TNS3: variants seen among roughly 807,000 people sequenced by gnomAD.
TNS3 encodes tensin 3, also known as tensin-3.
A neutral mutation model predicts 140.9 loss-of-function variants in TNS3; 45 were observed. That is an observed-to-expected ratio of 0.32 (90% CI 0.25 to 0.41). TNS3 has a LOEUF of 0.41. TNS3 is among the 10% of genes least tolerant of loss of function. The pLI is 1.00. For synonymous variants in TNS3, 815 were observed against 788.4 expected, an observed-to-expected ratio of 1.03 and a Z score of -0.56; for missense variants, 1,716 against 1,906.7, an observed-to-expected ratio of 0.90 and a Z score of 1.86.
intron 1 of TNS3, among the ~76,000 whole-genome samples, chr7:47,574,496 C>CA (rs371887200): frequency 5.0e-4 from 74 of 148,056 alleles, no homozygotes; most frequent in Middle Eastern, 3.5e-3. Context: ...TTGTGCTCAC[C>CA]AAAAAAAAAA....
At chr7:47,403,479 GA>G (rs1268797573) in intron 13 of TNS3, 3 of 152,234 alleles carry the variant, frequency 2.0e-5, no homozygotes, top group African/African-American at 7.2e-5. Flanking sequence ...ACTGCTGCCT[GA>G]AATCACGTGG....
chr7:47,537,438 C>A (rs1799642056), intron 1 of TNS3, among the ~76,000 whole-genome samples: 1 of 152,046 alleles, frequency 6.6e-6, no homozygotes. Context: ...CAGCTCCGAG[C>A]GAGCGCGGAG....
At chr7:47,347,221 G>T (rs1789395179) in intron 17 of TNS3, among the ~76,000 whole-genome samples, 1 of 152,132 alleles carries the variant, frequency 6.6e-6, no homozygotes, top group Non-Finnish European at 1.5e-5. Context: ...TTCACTGAAA[G>T]ATGGAGTTTG....
intron 1 of TNS3, among the ~76,000 whole-genome samples, chr7:47,546,300 C>T (rs1195359242): frequency 1.3e-5 from 2 of 152,222 alleles, no homozygotes; most frequent in Non-Finnish European, 2.9e-5. Context: ...GTGGCGTCCA[C>T]GTCCGGCACC....
intron 16 of TNS3, among the ~76,000 whole-genome samples, chr7:47,388,187 G>A (rs1792181764): frequency 6.6e-6 from 1 of 152,106 alleles, no homozygotes. Flanking sequence ...TGGCAGCAAG[G>A]GCCTTGTAAG....
intron 30 of TNS3, chr7:47,279,501 G>C (rs1008095990): frequency 2.0e-5 from 3 of 152,896 alleles, no homozygotes; most frequent in Admixed American, 6.5e-5. Flanking sequence ...TCAGGAGTTC[G>C]AGACCAGCCT....
chr7:47,319,529 T>C (rs1199541109), intron 20 of TNS3, among the ~76,000 whole-genome samples: 4 of 152,132 alleles, frequency 2.6e-5, no homozygotes, highest in Non-Finnish European at 4.4e-5. Flanking sequence ...AAGCCCTTCA[T>C]GAAGTATCTG....
chr7:47,487,040 T>G (rs1182559651), intron 3 of TNS3, among the ~76,000 whole-genome samples: 1 of 152,158 alleles, frequency 6.6e-6, no homozygotes, highest in African/African-American at 2.4e-5. Context: ...AGCTCAAACC[T>G]ATAATCCCAG....
intron 23 of TNS3, among the ~76,000 whole-genome samples, chr7:47,301,374 G>A (rs908916680): frequency 2.6e-5 from 4 of 152,050 alleles, no homozygotes; most frequent in African/African-American, 9.7e-5. Flanking sequence ...CAAACTCTAT[G>A]CACTGCCAAA....
In TNS3 at chr7:47,293,813, T is replaced by C. The variant is rs202130688; in HGVS notation, c.3692A>G (p.Asn1231Ser). Residue 1231 changes from asparagine (N) to serine (S), a missense_variant, in exon 25 of 31, where the codon AAT (asparagine) becomes AGT (serine). Physicochemically the swap from Asn to Ser is conservative, Grantham distance 46. Around this residue, in one of 3 missense-constraint regions of TNS3, gnomAD observed 216 missense variants for 295.7 expected, o/e 0.73. Transcript: ENST00000311160. ...GATCAAAAAGTGCCGGACGAGTTCA[T>C]TGGCCAAATCTCCAGCTGTGGCAAG... Reference protein sequence around the residue: ...QLNKKAGDLANELVRHFLIEC... With the variant: ...QLNKKAGDLASELVRHFLIEC... 3.4e-5 allele frequency: 55 copies of C among 1,614,090 alleles called. No individual in the cohort carries two copies. Among genetic ancestry groups the C allele is most frequent in the African/African-American group, 2.1e-4 (16 of 74,934 alleles).
intron 7 of TNS3, among the ~76,000 whole-genome samples, chr7:47,435,674 T>C (rs1040365326): frequency 1.3e-5 from 2 of 152,118 alleles, no homozygotes; most frequent in African/African-American, 2.4e-5. Context: ...GGTCTTTGAG[T>C]TGCTGATGGT....
chr7:47,478,215 A>C (rs1797267324), intron 4 of TNS3, among the ~76,000 whole-genome samples: 3 of 152,168 alleles, frequency 2.0e-5, no homozygotes, highest in Admixed American at 2.0e-4. Context: ...GGGTTTGTTA[A>C]AGCACCGATC....
chr7:47,375,968 A>G (rs914063097), intron 16 of TNS3, among the ~76,000 whole-genome samples: 15 of 152,208 alleles, frequency 9.9e-5, no homozygotes, highest in Non-Finnish European at 2.1e-4. Flanking sequence ...CTCATGTTCT[A>G]TTTTTGTGAC....
chr7:47,350,674 G>T (rs1265513623), intron 17 of TNS3, among the ~76,000 whole-genome samples: 1 of 152,314 alleles, frequency 6.6e-6, no homozygotes, highest in African/African-American at 2.4e-5. Context: ...CTGCCTCTCT[G>T]CTCACAGGGG....
chr7:47,484,320 A>T (rs1797533549), intron 3 of TNS3, among the ~76,000 whole-genome samples: 1 of 152,216 alleles, frequency 6.6e-6, no homozygotes, highest in Non-Finnish European at 1.5e-5. Flanking sequence ...AAGTACAAAC[A>T]TCTCATTTAG....
chr7:47,524,915 C>T (rs1200931111), intron 2 of TNS3, among the ~76,000 whole-genome samples: 1 of 149,914 alleles, frequency 6.7e-6, no homozygotes, highest in Non-Finnish European at 1.5e-5. Flanking sequence ...AAGGGATAAA[C>T]CAGGCGTGAG....
At chr7:47,464,454 C>T (rs1229982876) in intron 4 of TNS3, among the ~76,000 whole-genome samples, 1 of 152,126 alleles carries the variant, frequency 6.6e-6, no homozygotes, top group East Asian at 1.9e-4. Flanking sequence ...CCCCGAGCAC[C>T]CTCAACACCC....
At chr7:47,411,625 TG>T in intron 13 of TNS3, 101 bp downstream of exon 13, 2 of 1,264,084 alleles carry the variant, frequency 1.6e-6, no homozygotes. Context: ...GTACTTTTTT[TG>T]GGGGTGAGGG....
At chr7:47,363,424 A>G (rs942231087) in intron 17 of TNS3, among the ~76,000 whole-genome samples, 2 of 152,196 alleles carry the variant, frequency 1.3e-5, no homozygotes, top group African/African-American at 4.8e-5. Flanking sequence ...TATAATTTTC[A>G]TCTCATAAAT....
Sources: allele counts gnomAD v4.1 joint callset (sites outside exome capture counted in the v4.1 genomes callset), GRCh38; gene constraint gnomAD v4.1.1; regional missense constraint gnomAD v4.1.1; transcripts MANE v1.5; gene names NCBI Gene and HGNC (gene_info 2026-07-23, HGNC 2026-07-21).